CCDC158: variants seen among roughly 807,000 people sequenced by gnomAD.
CCDC158 encodes coiled-coil domain-containing protein 158.
CCDC158 carries 116 observed loss-of-function variants against 138.6 expected under a neutral mutation model. The observed-to-expected ratio is 0.84, with a 90% confidence interval of 0.72 to 0.98. The LOEUF is 0.98. CCDC158 is among the 50% of genes least tolerant of loss of function. The probability of loss-of-function intolerance (pLI) is 0.00; values close to 1 mark genes in which losing one functional copy is unlikely to be tolerated. For missense variants in CCDC158, 1,265 were observed against 1,306.1 expected (o/e 0.97, Z 0.48); for synonymous variants, 436 against 442.4 (o/e 0.99, Z 0.18).
intron 2 of CCDC158, among the ~76,000 whole-genome samples, chr4:76,408,508 G>A (rs1179716693): frequency 1.3e-5 from 2 of 152,062 alleles, no homozygotes; most frequent in Admixed American, 1.3e-4. Context: ...CCTACAAAGG[G>A]CATGAACTCA....
At chr4:76,351,880 G>T in intron 16 of CCDC158, 68 bp from the exon 17 acceptor site, 1 of 938,294 alleles carries the variant, frequency 1.1e-6, no homozygotes, top group South Asian at 1.4e-5. Context: ...ATTAACCTAT[G>T]AATGCAGAGC....
intron 1 of CCDC158, among the ~76,000 whole-genome samples, chr4:76,419,657 A>G (rs1295110492): frequency 2.0e-5 from 3 of 151,914 alleles, no homozygotes; most frequent in African/African-American, 7.3e-5. Flanking sequence ...TCTTCGGCCT[A>G]TATCAAATCT....
Position 76,419,068 on chromosome 4 carries a change from A to G in CCDC158, c.-117+1897T>C, listed in dbSNP as rs1316110861. Reference sequence around the variant, plus strand: ...ATATACACACAATGGATAATCAATAATGATTCAGCTAAGGTAAGGACAAAG... The same window carrying G: ...ATATACACACAATGGATAATCAATAGTGATTCAGCTAAGGTAAGGACAAAG... On this transcript the variant is annotated intron_variant, in intron 1 of 24. Coordinates refer to ENST00000682701, the MANE Select transcript of CCDC158 (RefSeq NM_001394954.1). 3.9e-5 allele frequency among the ~76,000 whole-genome samples: 6 copies of G among 152,220 alleles called. No homozygotes were observed. In the East Asian group the frequency reaches 7.7e-4, roughly 20 times the overall value.
chr4:76,405,145 G>T (rs1560480652), intron 2 of CCDC158, among the ~76,000 whole-genome samples: 1 of 152,066 alleles, frequency 6.6e-6, no homozygotes, highest in Non-Finnish European at 1.5e-5. Context: ...AGTGTGTCCA[G>T]GCAAAAAAGA....
At chr4:76,363,068 C>G (rs567864800) in intron 12 of CCDC158, among the ~76,000 whole-genome samples, 91 of 152,280 alleles carry the variant, frequency 6.0e-4, no homozygotes, top group Middle Eastern at 6.8e-3. Context: ...TCCCACCACC[C>G]TAATAAGAGT....
chr4:76,365,565 A>C (rs7679444), intron 12 of CCDC158, among the ~76,000 whole-genome samples: 13 of 152,204 alleles, frequency 8.5e-5, no homozygotes, highest in African/African-American at 3.1e-4. Flanking sequence ...CTCTAGGCTA[A>C]ATTACAGACT....
At position 76,404,463 on chromosome 4, in the gene CCDC158, G is replaced by GA. The variant is rs143520035; in HGVS notation, c.-73-1184dup. On this transcript the variant is annotated intron_variant, in intron 2 of 24. Coordinates refer to ENST00000682701, the MANE Select transcript of CCDC158 (RefSeq NM_001394954.1). Reference sequence around the variant, plus strand: ...AGGCTCAAACAAGAATTTAGGGTATGAAAAATCACCCCTGAATTAGAAATG... The same window carrying GA: ...AGGCTCAAACAAGAATTTAGGGTATGAAAAAATCACCCCTGAATTAGAAATG... Among the ~76,000 whole-genome samples the GA allele has an allele frequency of 3.4e-3, 510 of 152,176 alleles. 2 individuals carry two copies. The highest frequency in any genetic ancestry group is 0.012 in the African/African-American group (489 of 41,510).
rs540765880 is a variant in CCDC158 at position 76,371,439 on chromosome 4, T to G, written c.1127A>C (p.Asp376Ala). 1 of 1,614,118 alleles carries G rather than the reference T, an allele frequency of 6.2e-7. No individual in the cohort carries two copies. Among genetic ancestry groups the G allele is most frequent in the African/African-American group, 1.3e-5 (1 of 75,062 alleles). The stretch of plus-strand genomic sequence containing the variant: ...TACCAACAGCTTTTGAAGTTGATCA[T>G]CTAAATTTCCAGATTCCTGACTGAA... ...DQFSQESGNL[D>A]DQLQKLLADL... Residue 376 changes from aspartate to alanine, a missense_variant, in exon 10 of 25, where the codon GAT becomes GCT. By Grantham distance (126) the Asp-to-Ala change is moderately radical. Transcript: ENST00000682701.
Position 76,325,918 on chromosome 4 carries a change from T to C in CCDC158, c.3108A>G (p.Ser1036=), listed in dbSNP as rs183891577. 1 of 1,613,858 alleles carries C rather than the reference T, an allele frequency of 6.2e-7. No individual in the cohort carries two copies. The highest frequency in any genetic ancestry group is 1.3e-5 in the African/African-American group (1 of 75,054). ...HSLLTSSVEG[S]IGSTSQYRSA... Reference sequence around the variant, plus strand: ...ATCTATACTGTGATGTGGAACCTATTGAACCTTCAACTGAACTAGTTAGGA... The same window carrying C: ...ATCTATACTGTGATGTGGAACCTATCGAACCTTCAACTGAACTAGTTAGGA... Residue 1036 remains serine (S), a synonymous_variant, in exon 23 of 25, where the codon TCA becomes TCG. Coordinates refer to ENST00000682701, the MANE Select transcript of CCDC158 (RefSeq NM_001394954.1).
intron 13 of CCDC158, among the ~76,000 whole-genome samples, chr4:76,360,910 C>T (rs62300856): frequency 0.22 from 33,773 of 152,024 alleles, 3,954 homozygotes; most frequent in Middle Eastern, 0.29. Context: ...AGATTTGGGA[C>T]GGCCCAGGGG....
Position 76,383,812 on chromosome 4 carries a change from A to G in CCDC158, c.727-74T>C, listed in dbSNP as rs896454959. The G allele has an allele frequency of 9.5e-5, 97 of 1,024,590 alleles. 1 individual carries two copies. In the East Asian group the frequency reaches 2.0e-3, roughly 21 times the overall value. 63.5% of individuals were successfully genotyped at this position (1,024,590 alleles called of 1,614,324 possible). A position where few individuals can be genotyped will look rare whatever the true frequency, so the allele number is the denominator to read the frequency against. On this transcript the variant is annotated intron_variant, in intron 6 of 24. Coordinates refer to ENST00000682701, the MANE Select transcript of CCDC158 (RefSeq NM_001394954.1). ...TTGGAAAATCTGGAGATTTTCAACT[A>G]AAGGAATGCTTTAAATGCAAGTAAA...
intron 24 of CCDC158, among the ~76,000 whole-genome samples, chr4:76,318,828 C>A (rs1363962623): frequency 1.3e-5 from 2 of 152,178 alleles, no homozygotes; most frequent in South Asian, 4.1e-4. Context: ...AAGAAAACTA[C>A]AGACCAATAT....
intron 18 of CCDC158, among the ~76,000 whole-genome samples, chr4:76,338,139 T>C (rs1260993343): frequency 2.6e-5 from 4 of 152,230 alleles, no homozygotes; most frequent in Non-Finnish European, 4.4e-5. Flanking sequence ...ACACTCCTTA[T>C]GGGAATCTAA....
chr4:76,358,195 A>G (rs1723772112), intron 13 of CCDC158, among the ~76,000 whole-genome samples: 1 of 152,064 alleles, frequency 6.6e-6, no homozygotes, highest in Non-Finnish European at 1.5e-5. Flanking sequence ...TCCCTCTCCC[A>G]GTTGCTTACA....
intron 18 of CCDC158, among the ~76,000 whole-genome samples, chr4:76,340,107 A>G (rs533445394): frequency 6.6e-5 from 10 of 152,362 alleles, no homozygotes; most frequent in Admixed American, 3.9e-4. Flanking sequence ...AACAAAATCT[A>G]TCACTTCAGG....
intron 21 of CCDC158, among the ~76,000 whole-genome samples, chr4:76,329,811 T>C (rs902735993): frequency 6.6e-6 from 1 of 152,174 alleles, no homozygotes; most frequent in Non-Finnish European, 1.5e-5. Context: ...TTTATAACTT[T>C]CAGTCTCTCA....
intron 4 of CCDC158, among the ~76,000 whole-genome samples, chr4:76,392,336 G>A (rs1464652391): frequency 1.3e-5 from 2 of 151,918 alleles, no homozygotes; most frequent in Non-Finnish European, 2.9e-5. Flanking sequence ...ATCAATCAAT[G>A]TGATACATCA....
At position 76,322,504 on chromosome 4, in the gene CCDC158, G is replaced by A. The variant is rs1720117934; in HGVS notation, c.3277+798C>T. On this transcript the variant is annotated intron_variant, in intron 24 of 24. Coordinates refer to ENST00000682701, the MANE Select transcript of CCDC158 (RefSeq NM_001394954.1). The stretch of plus-strand genomic sequence containing the variant: ...AAAAGGCCTGGCACACAGTTGGGAA[G>A]TGCTCAATTAAGTGTAAATAGCAAC... Among the ~76,000 whole-genome samples the A allele has an allele frequency of 2.0e-5, 3 of 152,210 alleles. 1 individual carries two copies. The highest frequency in any genetic ancestry group is 1.3e-4 in the Admixed American group (2 of 15,276).
At chr4:76,339,292 T>C (rs373756107) in intron 18 of CCDC158, among the ~76,000 whole-genome samples, 2 of 152,216 alleles carry the variant, frequency 1.3e-5, no homozygotes, top group African/African-American at 4.8e-5. Flanking sequence ...CCCCTTACTA[T>C]TGGTGAAGAG....
Sources: gnomAD v4.1 joint callset for allele counts (sites outside exome capture counted in the v4.1 genomes callset) on GRCh38, gnomAD v4.1.1 for gene constraint, MANE v1.5 for transcripts, NCBI Gene and HGNC (gene_info 2026-07-23, HGNC 2026-07-21) for gene names.